Variants in SDCBP2 observed in about 807,000 individuals in gnomAD.
SDCBP2 encodes the protein syndecan binding protein 2.
In SDCBP2, 28 loss-of-function variants were observed where a neutral mutation model predicts 30.7. The ratio of observed to expected loss-of-function variants is 0.91; its 90% CI spans 0.68 to 1.25. SDCBP2 has a LOEUF of 1.25. Ranked by LOEUF, SDCBP2 falls within the 50% of genes most tolerant of loss-of-function variation. The pLI is 0.00. For synonymous variants in SDCBP2, 166 were observed against 157.3 expected, an observed-to-expected ratio of 1.06 and a Z score of -0.41; for missense variants, 399 against 379.0, an observed-to-expected ratio of 1.05 and a Z score of -0.44.
At chr20:1,325,356 C>T (rs572420238) in intron 1 of SDCBP2, 1 of 152,408 alleles carries the variant, frequency 6.6e-6, no homozygotes, top group African/African-American at 2.4e-5. Flanking sequence ...TTCTAGAGCG[C>T]ATGCGTTTCG....
chr20:1,313,550 C>T lies in SDCBP2; in HGVS notation c.226-52G>A, dbSNP rs541181497. ...AGCCCGGCCCGTGGGGACCCTGTGC[C>T]TCAGGAGACACTGGGGTGGGGGTAG... On this transcript the variant is annotated intron_variant, in intron 4 of 8. Coordinates refer to ENST00000360779, the MANE Select transcript of SDCBP2 (RefSeq NM_080489.5). The surrounding 1 kb of genome is among the most constrained non-coding windows in gnomAD (Gnocchi z 5.2). 211 of 1,512,274 alleles carry T rather than the reference C, an allele frequency of 1.4e-4. No homozygotes were observed. The African/African-American group carries it at 2.7e-3, about 19-fold the overall frequency. 93.7% of individuals were successfully genotyped at this position (1,512,274 alleles called of 1,614,324 possible). A position where few individuals can be genotyped will look rare whatever the true frequency, so the allele number is the denominator to read the frequency against.
At position 1,310,497 on chromosome 20, in the gene SDCBP2, T is replaced by C. The variant is rs1291956886; in HGVS notation, c.825-2A>G. The C allele has an allele frequency of 1.2e-6, 2 of 1,613,642 alleles. No homozygotes were observed. Among genetic ancestry groups the C allele is most frequent in the East Asian group, 2.2e-5 (1 of 44,882 alleles). Reference sequence around the variant, plus strand: ...TGGTGGAGCAGGACTGGAGGCAACCTGGATACAGCAACAACAGTGACCAGG... The same window carrying C: ...TGGTGGAGCAGGACTGGAGGCAACCCGGATACAGCAACAACAGTGACCAGG... On this transcript the variant is annotated splice_acceptor_variant, in intron 8 of 8. Coordinates refer to ENST00000360779, the MANE Select transcript of SDCBP2 (RefSeq NM_080489.5). LOFTEE classifies it high-confidence loss of function.
At chr20:1,319,724 C>T (rs1312936101) in intron 2 of SDCBP2, 65 bp from the exon 3 acceptor site, 2 of 1,361,094 alleles carry the variant, frequency 1.5e-6, no homozygotes, top group South Asian at 1.5e-5. Context: ...GAGCCTGGAG[C>T]TCCATGAGGC....
intron 1 of SDCBP2, among the ~76,000 whole-genome samples, chr20:1,327,853 T>G (rs2088951981): frequency 1.3e-5 from 2 of 152,270 alleles, no homozygotes; most frequent in African/African-American, 2.4e-5. Context: ...ACTCAGCACC[T>G]GCTAAGTCTG....
At chr20:1,311,225 G>A in intron 7 of SDCBP2, 1 of 242,746 alleles carries the variant, frequency 4.1e-6, no homozygotes, top group Non-Finnish European at 8.0e-6. Context: ...CCTTCCAAGG[G>A]CTCCCAGAGA....
At chr20:1,326,070 C>T (rs967412926) in intron 1 of SDCBP2, among the ~76,000 whole-genome samples, 1 of 152,202 alleles carries the variant, frequency 6.6e-6, no homozygotes, top group African/African-American at 2.4e-5. Flanking sequence ...CTAGGGCAAT[C>T]AGGAAGGTCT....
In SDCBP2 at chr20:1,320,328, C is replaced by T. The variant is rs1328602269; in HGVS notation, c.54+35G>A. The T allele has an allele frequency of 6.2e-7, 1 of 1,600,874 alleles. No individual in the cohort carries two copies. The highest frequency in any genetic ancestry group is 1.3e-5 in the African/African-American group (1 of 74,630). Reference sequence around the variant, plus strand: ...CCAGGGTAATCCCCAAGGTCCCCTTCAGGGAATCCAGGCCAATGGGGCCTG... The same window carrying T: ...CCAGGGTAATCCCCAAGGTCCCCTTTAGGGAATCCAGGCCAATGGGGCCTG... On this transcript the variant is annotated intron_variant, in intron 2 of 8. Transcript: ENST00000360779. The surrounding 1 kb of genome is among the most constrained non-coding windows in gnomAD (Gnocchi z 4.7).
At position 1,313,402 on chromosome 20, in the gene SDCBP2, C is replaced by G. The variant is rs779436203; in HGVS notation, c.322G>C (p.Glu108Gln). 2 of 1,609,170 alleles carry G rather than the reference C, an allele frequency of 1.2e-6. No homozygotes were observed. The highest frequency in any genetic ancestry group is 1.7e-6 in the Non-Finnish European group (2 of 1,178,732). ...CGCTCGTCCTTGCACAGGTGGATCT[C>G]GCGCACCCCGGGCTTGATCTCAGCT... ...RRAEIKPGVR[E>Q]IHLCKDERGK... The change falls in exon 5 of 9, where the codon GAG becomes CAG. Residue 108 changes from glutamate (E) to glutamine (Q), a missense_variant. Coordinates refer to ENST00000360779, the MANE Select transcript of SDCBP2 (RefSeq NM_080489.5). This position sits in a 1 kb window ranked among gnomAD's most constrained non-coding sequence, Gnocchi z 5.2.
rs780690046 is a variant in SDCBP2 at position 1,313,296 on chromosome 20, C to G, written c.384+44G>C. 2.5e-6 allele frequency: 4 copies of G among 1,581,668 alleles called. No homozygotes were observed. In the African/African-American group the frequency reaches 5.4e-5, roughly 21 times the overall value. On this transcript the variant is annotated intron_variant, in intron 5 of 8. Transcript: ENST00000360779. This position sits in a 1 kb window ranked among gnomAD's most constrained non-coding sequence, Gnocchi z 5.2. ...AGCTCTGAGGCCTGGCGGGAGAGCG[C>G]GTGCAGCTCGAGCTCCTCTTCCCAC... is the stretch of plus-strand genomic sequence containing the variant.
intron 3 of SDCBP2, among the ~76,000 whole-genome samples, chr20:1,319,090 TC>T (rs1250094350): frequency 6.6e-6 from 1 of 152,210 alleles, no homozygotes; most frequent in Non-Finnish European, 1.5e-5. Context: ...GCCGTCCACT[TC>T]TTCCCCACCT....
chr20:1,311,898 G>T (rs1302629021), intron 7 of SDCBP2, among the ~76,000 whole-genome samples: 3 of 21,726 alleles, frequency 1.4e-4, no homozygotes, highest in African/African-American at 4.6e-4. Flanking sequence ...TAGGTACACT[G>T]TCTTTTTTTT....
At chr20:1,311,471 G>A (rs540346051) in intron 7 of SDCBP2, among the ~76,000 whole-genome samples, 4 of 152,314 alleles carry the variant, frequency 2.6e-5, no homozygotes, top group South Asian at 2.1e-4. Flanking sequence ...TACGCAAAGC[G>A]TGCCAGGTGG....
At chr20:1,318,273 A>AT in intron 4 of SDCBP2, 45 bp downstream of exon 4, 1 of 1,298,688 alleles carries the variant, frequency 7.7e-7, no homozygotes, top group Non-Finnish European at 1.1e-6. Flanking sequence ...AAAAGGGAGG[A>AT]TTGGGAGGTT....
Position 1,312,694 on chromosome 20 carries a change from C to A in SDCBP2, c.453G>T (p.Gln151His). The A allele has an allele frequency of 6.2e-7, 1 of 1,614,176 alleles. No individual in the cohort carries two copies. Among genetic ancestry groups the A allele is most frequent in the South Asian group, 1.1e-5 (1 of 91,090 alleles). ...ASLVGLRFGD[Q>H]LLQIDGRDCA... ...AGTCACGCCCGTCAATCTGCAGGAG[C>A]TGGTCCCCAAAGCGCAGCCCCACAA... The change falls in exon 6 of 9, where the codon CAG (glutamine) becomes CAT (histidine). Residue 151 changes from glutamine to histidine, a missense_variant. Transcript: ENST00000360779.
intron 1 of SDCBP2, among the ~76,000 whole-genome samples, 170 bp downstream of exon 1, chr20:1,328,915 A>G (rs1242137624): frequency 6.6e-6 from 1 of 152,144 alleles, no homozygotes; most frequent in Non-Finnish European, 1.5e-5. Context: ...GGCTGGGATC[A>G]GAAGAAGAAA....
At chr20:1,311,726 A>G (rs896685173) in intron 7 of SDCBP2, among the ~76,000 whole-genome samples, 21 of 152,166 alleles carry the variant, frequency 1.4e-4, no homozygotes, top group African/African-American at 4.8e-4. Context: ...TCACGACCCC[A>G]TGGATTTCTG....
At position 1,313,520 on chromosome 20, in the gene SDCBP2, G is replaced by A. The variant is rs760392647; in HGVS notation, c.226-22C>T. ...CTGTCTGCAGACACCAGGGGGCAGG[G>A]GGTCAGCCCGGCCCGTGGGGACCCT... On this transcript the variant is annotated intron_variant, in intron 4 of 8. Coordinates refer to ENST00000360779, the MANE Select transcript of SDCBP2 (RefSeq NM_080489.5). The surrounding 1 kb of genome is among the most constrained non-coding windows in gnomAD (Gnocchi z 5.2). 1.0e-5 allele frequency: 16 copies of A among 1,558,020 alleles called. No homozygotes were observed. Among genetic ancestry groups the A allele is most frequent in the South Asian group, 7.0e-5 (6 of 85,468 alleles).
chr20:1,310,447 A>G lies in SDCBP2; in HGVS notation c.873T>C (p.Asp291=), dbSNP rs557745849. The G allele has an allele frequency of 3.5e-4, 565 of 1,613,492 alleles. 13 individuals carry two copies. In the South Asian group the frequency reaches 6.0e-3, roughly 17 times the overall value. ...LHHTMDHSIP[D]A ...GCCCTGCCCTGCAGTGGCTTCAGGC[A>G]TCTGGGATGGAGTGGTCCATGGTGT... The change falls in exon 9 of 9, where the codon GAT becomes GAC. Residue 291 remains aspartate, a synonymous_variant. Coordinates refer to ENST00000360779, the MANE Select transcript of SDCBP2 (RefSeq NM_080489.5).
At chr20:1,317,846 C>T (rs1410308935) in intron 4 of SDCBP2, 1 of 308,926 alleles carries the variant, frequency 3.2e-6, no homozygotes, top group Non-Finnish European at 6.3e-6. Context: ...ACTGGTTCTA[C>T]AGGTAAATAT....
Sources: allele counts gnomAD v4.1 joint callset (sites outside exome capture counted in the v4.1 genomes callset), GRCh38; gene constraint gnomAD v4.1.1; non-coding constraint Gnocchi (gnomAD v3.1); transcripts MANE v1.5; gene names NCBI Gene and HGNC (gene_info 2026-07-23, HGNC 2026-07-21).